LINGO2: variants seen among roughly 807,000 people sequenced by gnomAD.
LINGO2 encodes the protein leucine-rich repeat and immunoglobulin-like domain-containing nogo receptor-interacting protein 2.
In LINGO2, 14 loss-of-function variants were observed where a neutral mutation model predicts 30.6. The observed-to-expected ratio is 0.46, with a 90% confidence interval of 0.30 to 0.72. LINGO2 has a LOEUF of 0.72. LINGO2 is among the 30% of genes least tolerant of loss of function. LINGO2 has a pLI of 0.07. For missense variants in LINGO2, 729 were observed against 751.7 expected (o/e 0.97, Z 0.35); for synonymous variants, 317 against 288.5 (o/e 1.10, Z -1.00).
chr9:29,135,532 T>TG, the LINGO2 span, among the ~76,000 whole-genome samples: 1 of 145,682 alleles, frequency 6.9e-6, no homozygotes, highest in African/African-American at 2.5e-5. Flanking sequence ...CACTCCAGCC[T>TG]GGGTGACAGA....
intron 3 of LINGO2, among the ~76,000 whole-genome samples, chr9:28,337,426 A>AATTCCAT (rs1479281179): frequency 5.9e-5 from 9 of 152,292 alleles, no homozygotes; most frequent in Non-Finnish European, 8.8e-5. Context: ...TAGAAAATAA[A>AATTCCAT]ATTCCATTTT....
chr9:28,225,175 G>T (rs1821104892), intron 4 of LINGO2, among the ~76,000 whole-genome samples: 1 of 152,066 alleles, frequency 6.6e-6, no homozygotes, highest in South Asian at 2.1e-4. Flanking sequence ...TGAAAGAAGA[G>T]CAGGAAAGGG....
At chr9:28,721,601 T>C in the LINGO2 span, among the ~76,000 whole-genome samples, 2 of 151,958 alleles carry the variant, frequency 1.3e-5, no homozygotes, top group Non-Finnish European at 1.5e-5. Flanking sequence ...TAAGTGGAAG[T>C]TGAACAATGA....
At chr9:28,582,022 G>C (rs1049957953) in intron 1 of LINGO2, among the ~76,000 whole-genome samples, 1 of 151,876 alleles carries the variant, frequency 6.6e-6, no homozygotes, top group East Asian at 1.9e-4. Context: ...CTCTATGTTT[G>C]TGAGACATGT....
At chr9:28,222,894 G>A (rs1461661012) in intron 4 of LINGO2, among the ~76,000 whole-genome samples, 5 of 152,156 alleles carry the variant, frequency 3.3e-5, no homozygotes, top group Admixed American at 6.5e-5. Flanking sequence ...AGAGATAAGC[G>A]AGATGGTACT....
chr9:28,450,164 T>C (rs939232738), intron 2 of LINGO2, among the ~76,000 whole-genome samples: 1 of 152,028 alleles, frequency 6.6e-6, no homozygotes, highest in Non-Finnish European at 1.5e-5. Flanking sequence ...AACTATTCTC[T>C]CTTGCAGTGC....
At chr9:28,530,304 C>A (rs1206530544) in intron 1 of LINGO2, among the ~76,000 whole-genome samples, 2 of 152,146 alleles carry the variant, frequency 1.3e-5, no homozygotes, top group Non-Finnish European at 2.9e-5. Flanking sequence ...CATGTGCCAT[C>A]TGCCATTCCA....
At chr9:28,345,983 C>A (rs1157460234) in intron 3 of LINGO2, among the ~76,000 whole-genome samples, 2 of 152,136 alleles carry the variant, frequency 1.3e-5, no homozygotes, top group East Asian at 3.8e-4. Flanking sequence ...CTTTGCTAGA[C>A]AAAATTATCA....
chr9:28,989,173 C>A, the LINGO2 span, among the ~76,000 whole-genome samples: 1 of 152,160 alleles, frequency 6.6e-6, no homozygotes, highest in African/African-American at 2.4e-5. Context: ...AATTCAATTC[C>A]ATTCCTGTCC....
At chr9:28,487,217 C>G (rs948745017) in intron 1 of LINGO2, among the ~76,000 whole-genome samples, 16 of 152,060 alleles carry the variant, frequency 1.1e-4, no homozygotes, top group Admixed American at 9.2e-4. Flanking sequence ...AGCAGGTGGT[C>G]TTCTAAGAGT....
intron 4 of LINGO2, among the ~76,000 whole-genome samples, chr9:28,015,413 A>G (rs762545744): frequency 1.3e-5 from 2 of 152,140 alleles, no homozygotes; most frequent in African/African-American, 2.4e-5. Context: ...TGTATTGAGG[A>G]GTTTTAAATT....
At chr9:28,251,454 A>C (rs7048655) in intron 4 of LINGO2, among the ~76,000 whole-genome samples, 32,475 of 152,086 alleles carry the variant, frequency 0.21, 3,779 homozygotes, top group East Asian at 0.26. Context: ...ATTTAAGATA[A>C]ACTGTGTGAC....
the LINGO2 span, among the ~76,000 whole-genome samples, chr9:28,813,755 C>T: frequency 6.6e-6 from 1 of 152,152 alleles, no homozygotes; most frequent in South Asian, 2.1e-4. Flanking sequence ...ATAATTGAAA[C>T]AGTCTACTTT....
At chr9:28,020,618 T>G (rs929574755) in intron 4 of LINGO2, among the ~76,000 whole-genome samples, 1 of 152,186 alleles carries the variant, frequency 6.6e-6, no homozygotes. Flanking sequence ...TTGAGGAGAC[T>G]GTGGAAAATT....
intron 1 of LINGO2, among the ~76,000 whole-genome samples, chr9:28,482,279 G>C (rs1564230425): frequency 6.6e-6 from 1 of 151,932 alleles, no homozygotes; most frequent in Non-Finnish European, 1.5e-5. Context: ...ATCCTCTCCA[G>C]CACCTGTTGT....
the LINGO2 span, among the ~76,000 whole-genome samples, chr9:29,168,011 G>T: frequency 2.0e-5 from 3 of 151,888 alleles, no homozygotes; most frequent in East Asian, 3.9e-4. Flanking sequence ...TCTATATATC[G>T]AAATCCACTA....
chr9:28,309,196 A>C (rs183332872), intron 3 of LINGO2, among the ~76,000 whole-genome samples: 1 of 152,044 alleles, frequency 6.6e-6, no homozygotes, highest in South Asian at 2.1e-4. Flanking sequence ...TGTCCAACGA[A>C]GATAGACTGG....
intron 4 of LINGO2, among the ~76,000 whole-genome samples, chr9:28,188,279 CCA>C (rs200864362): frequency 0.069 from 7,102 of 102,914 alleles, 255 homozygotes; most frequent in Admixed American, 0.14. Context: ...CTCTCATAGT[CCA>C]CATAATAATT....
intron 4 of LINGO2, among the ~76,000 whole-genome samples, chr9:28,151,840 A>C (rs951192306): frequency 2.0e-5 from 3 of 152,152 alleles, no homozygotes; most frequent in African/African-American, 7.2e-5. Flanking sequence ...AAAAAGTATA[A>C]ATTAATGAAG....
Sources: gnomAD v4.1 joint callset for allele counts (sites outside exome capture counted in the v4.1 genomes callset) on GRCh38, gnomAD v4.1.1 for gene constraint, MANE v1.5 for transcripts, NCBI Gene and HGNC (gene_info 2026-07-23, HGNC 2026-07-21) for gene names.